The following NOS1AP variants were observed in gnomAD, a reference collection of about 807,000 sequenced individuals.
NOS1AP encodes the protein nitric oxide synthase 1 adaptor protein.
Under a neutral mutation model 56.2 loss-of-function variants are expected in NOS1AP, and 21 were observed. The observed-to-expected ratio is 0.37, with a 90% CI of 0.26 to 0.54. The LOEUF is 0.54. Ranked by LOEUF, NOS1AP falls within the 20% of genes least tolerant of loss-of-function variation. The pLI is 0.84. For missense variants in NOS1AP, 522 were observed against 657.8 expected (o/e 0.79, Z 2.26); for synonymous variants, 270 against 274.6 (o/e 0.98, Z 0.17).
chr1:162,228,083 C>T (rs1248138310), intron 2 of NOS1AP, among the ~76,000 whole-genome samples: 1 of 151,990 alleles, frequency 6.6e-6, no homozygotes, highest in Non-Finnish European at 1.5e-5. Context: ...AGTCAACAGT[C>T]GAAGAGATCA....
chr1:162,169,446 T>G (rs1175598660), intron 2 of NOS1AP, among the ~76,000 whole-genome samples: 3 of 152,184 alleles, frequency 2.0e-5, no homozygotes, highest in Non-Finnish European at 4.4e-5. Flanking sequence ...GAGATCATAT[T>G]GATTTGTGAT....
intron 4 of NOS1AP, among the ~76,000 whole-genome samples, chr1:162,319,830 C>A (rs922873262): frequency 4.6e-5 from 7 of 152,156 alleles, no homozygotes; most frequent in Non-Finnish European, 7.4e-5. Context: ...ACTGCCCTCA[C>A]CTTTGTGAAC....
chr1:162,079,078 G>A (rs1691833917), intron 1 of NOS1AP, among the ~76,000 whole-genome samples: 1 of 152,144 alleles, frequency 6.6e-6, no homozygotes, highest in Non-Finnish European at 1.5e-5. Flanking sequence ...TGCCTTAATT[G>A]ACTCTCCACT....
At chr1:162,081,262 T>A (rs1038051194) in intron 1 of NOS1AP, among the ~76,000 whole-genome samples, 1 of 152,166 alleles carries the variant, frequency 6.6e-6, no homozygotes, top group Non-Finnish European at 1.5e-5. Flanking sequence ...GTGACCTTAG[T>A]CCTTTCCATT....
intron 2 of NOS1AP, among the ~76,000 whole-genome samples, chr1:162,233,880 T>G (rs1177188034): frequency 6.6e-6 from 1 of 152,224 alleles, no homozygotes; most frequent in African/African-American, 2.4e-5. Context: ...GGATTGGAGA[T>G]CTGACTCTGG....
At chr1:162,289,351 G>A (rs1338024442) in intron 3 of NOS1AP, among the ~76,000 whole-genome samples, 1 of 150,640 alleles carries the variant, frequency 6.6e-6, no homozygotes, top group East Asian at 2.0e-4. Flanking sequence ...AGGCTGGAGT[G>A]AAGTGATGCA....
At chr1:162,330,185 G>C (rs1279701864) in intron 4 of NOS1AP, among the ~76,000 whole-genome samples, 2 of 152,194 alleles carry the variant, frequency 1.3e-5, no homozygotes, top group African/African-American at 4.8e-5. Flanking sequence ...GTATGATGCT[G>C]AACTAACTGG....
chr1:162,317,837 A>G (rs1656280225), intron 4 of NOS1AP: 1 of 152,278 alleles, frequency 6.6e-6, no homozygotes, highest in Non-Finnish European at 1.5e-5. Flanking sequence ...TGGGGCAGTT[A>G]CAACAGCCCT....
chr1:162,219,994 G>A (rs1281216942), intron 2 of NOS1AP, among the ~76,000 whole-genome samples: 2 of 152,280 alleles, frequency 1.3e-5, no homozygotes, highest in Non-Finnish European at 2.9e-5. Context: ...GCAGTGGCAC[G>A]ATCATACCTC....
chr1:162,125,936 T>G (rs1648468859), intron 1 of NOS1AP, among the ~76,000 whole-genome samples: 1 of 152,212 alleles, frequency 6.6e-6, no homozygotes, highest in Non-Finnish European at 1.5e-5. Flanking sequence ...GTTTGTGTCA[T>G]CTATGATTTT....
At chr1:162,314,077 G>A (rs1656149789) in intron 4 of NOS1AP, among the ~76,000 whole-genome samples, 2 of 152,184 alleles carry the variant, frequency 1.3e-5, no homozygotes, top group African/African-American at 4.8e-5. Context: ...CTTGTTTGCT[G>A]CACTAAAATA....
At chr1:162,145,557 G>A (rs906683972) in intron 1 of NOS1AP, among the ~76,000 whole-genome samples, 1 of 152,184 alleles carries the variant, frequency 6.6e-6, no homozygotes. Flanking sequence ...TAAATGAGGC[G>A]AGAACTTTCA....
intron 6 of NOS1AP, among the ~76,000 whole-genome samples, chr1:162,352,837 T>G (rs1657564141): frequency 6.6e-6 from 1 of 152,150 alleles, no homozygotes; most frequent in Non-Finnish European, 1.5e-5. Context: ...ACACCAACAT[T>G]CAGTCCATAA....
At position 162,192,368 on chromosome 1, in the gene NOS1AP, A is replaced by G. The variant is rs1477790197; in HGVS notation, c.177+37892A>G. 9.9e-5 allele frequency among the ~76,000 whole-genome samples: 15 copies of G among 152,180 alleles called. 1 individual carries two copies. ...CTGGGAAAGGGCTCAGGAAAGTTCAAAAGGGATGATGTATGGGTTTTTGTG... is the reference window on the plus strand; with the variant it reads ...CTGGGAAAGGGCTCAGGAAAGTTCAGAAGGGATGATGTATGGGTTTTTGTG... On this transcript the variant is annotated intron_variant, in intron 2 of 9. Transcript: ENST00000361897.
chr1:162,350,090 A>G lies in NOS1AP; in HGVS notation c.596-5097A>G, dbSNP rs115948152. Among the ~76,000 whole-genome samples, 673 of 152,294 alleles carry G rather than the reference A, an allele frequency of 4.4e-3. 4 individuals are homozygous for G. Among genetic ancestry groups the G allele is most frequent in the African/African-American group, 0.015 (626 of 41,558 alleles). On this transcript the variant is annotated intron_variant, in intron 6 of 9. Transcript: ENST00000361897. ...GCCTAATGGCACACCTTGAGCGCCC[A>G]GAGTTGAACTGTTGGCTGTTGTTTT...
intron 2 of NOS1AP, among the ~76,000 whole-genome samples, chr1:162,216,190 C>G (rs1215113268): frequency 6.6e-6 from 1 of 152,208 alleles, no homozygotes. Flanking sequence ...ATTGGTTGCT[C>G]TACTCTGAGC....
At chr1:162,183,866 CTGCTT>C (rs1651343866) in intron 2 of NOS1AP, among the ~76,000 whole-genome samples, 1 of 152,218 alleles carries the variant, frequency 6.6e-6, no homozygotes, top group African/African-American at 2.4e-5. Flanking sequence ...AGCCATAAGG[CTGCTT>C]TGCTTTCTTA....
At chr1:162,134,022 C>G (rs1364368086) in intron 1 of NOS1AP, among the ~76,000 whole-genome samples, 1 of 152,102 alleles carries the variant, frequency 6.6e-6, no homozygotes, top group Non-Finnish European at 1.5e-5. Flanking sequence ...AAAATTGTAT[C>G]TCTTCTAAAA....
At chr1:162,334,069 G>T (rs1242328664) in intron 5 of NOS1AP, among the ~76,000 whole-genome samples, 1 of 152,164 alleles carries the variant, frequency 6.6e-6, no homozygotes, top group Admixed American at 6.5e-5. Context: ...TGCATCTTTT[G>T]TCTTCAGGCC....
Sources: allele counts gnomAD v4.1 joint callset (sites outside exome capture counted in the v4.1 genomes callset), GRCh38; gene constraint gnomAD v4.1.1; transcripts MANE v1.5; gene names NCBI Gene and HGNC (gene_info 2026-07-23, HGNC 2026-07-21).